The following PTCHD4 variants were observed in gnomAD, a reference collection of about 807,000 sequenced individuals.
PTCHD4 encodes patched domain-containing protein 4.
PTCHD4 carries 33 observed loss-of-function variants against 58.1 expected under a neutral mutation model. The observed-to-expected ratio is 0.57, with a 90% CI of 0.43 to 0.76. The LOEUF is 0.76. Ranked by LOEUF, PTCHD4 falls within the 30% of genes least tolerant of loss-of-function variation. The pLI is 0.00. For synonymous variants in PTCHD4, 478 were observed against 409.6 expected, an observed-to-expected ratio of 1.17 and a Z score of -2.02; for missense variants, 1,058 against 1,027.1, an observed-to-expected ratio of 1.03 and a Z score of -0.41.
intron 3 of PTCHD4, among the ~76,000 whole-genome samples, chr6:48,056,796 A>G (rs1405927644): frequency 1.3e-5 from 2 of 152,114 alleles, no homozygotes; most frequent in Non-Finnish European, 2.9e-5. Context: ...CTTCTGGCTG[A>G]TGATCACTGC....
chr6:48,036,966 CTTG>C (rs541600079), intron 3 of PTCHD4, among the ~76,000 whole-genome samples: 11 of 152,096 alleles, frequency 7.2e-5, no homozygotes, highest in Admixed American at 3.3e-4. Flanking sequence ...TTGATGGCAA[CTTG>C]TTGTTCTTCA....
At position 48,034,282 on chromosome 6, in the gene PTCHD4, T is replaced by A. The variant is rs1763552181; in HGVS notation, c.418-25168A>T. Among the ~76,000 whole-genome samples the A allele has an allele frequency of 5.3e-5, 8 of 152,210 alleles. No homozygotes were observed. In the South Asian group the frequency reaches 1.7e-3, roughly 32 times the overall value. ...ACAAGAAATGCAGGTACACATGACCTAAAATGACAGGTTTAGGTCTCAGTG... is the reference window on the plus strand; with the variant it reads ...ACAAGAAATGCAGGTACACATGACCAAAAATGACAGGTTTAGGTCTCAGTG... On this transcript the variant is annotated intron_variant, in intron 3 of 4. Coordinates refer to ENST00000339488, the MANE Select transcript of PTCHD4 (RefSeq NM_001384253.1).
chr6:47,953,506 T>A (rs1014540100), intron 4 of PTCHD4, among the ~76,000 whole-genome samples: 1 of 152,128 alleles, frequency 6.6e-6, no homozygotes, highest in African/African-American at 2.4e-5. Context: ...CTTTGAGATA[T>A]CCCTATAGGT....
intron 1 of PTCHD4, among the ~76,000 whole-genome samples, chr6:48,106,060 C>CA (rs1392620422): frequency 6.6e-6 from 1 of 152,092 alleles, no homozygotes; most frequent in East Asian, 1.9e-4. Context: ...GAAACTATTC[C>CA]AATGAATAGA....
At position 48,102,045 on chromosome 6, in the gene PTCHD4, T is replaced by G. The variant is rs911530979; in HGVS notation, c.-970+9004A>C. Among the ~76,000 whole-genome samples, 5 of 152,336 alleles carry G rather than the reference T, an allele frequency of 3.3e-5. No homozygotes were observed. The South Asian group carries it at 8.3e-4, about 25-fold the overall frequency. The stretch of plus-strand genomic sequence containing the variant: ...CCACTACAGCCTGCTGCATGTTCAT[T>G]TCTTAGTCTAGACTCAGACCCCAGG... On this transcript the variant is annotated intron_variant, in intron 1 of 4. Transcript: ENST00000339488.
chr6:47,921,838 G>C (rs924403712), intron 4 of PTCHD4, among the ~76,000 whole-genome samples: 1 of 151,710 alleles, frequency 6.6e-6, no homozygotes, highest in South Asian at 2.1e-4. Context: ...CAGCAAAATA[G>C]GGTGGCTCAT....
intron 3 of PTCHD4, among the ~76,000 whole-genome samples, chr6:48,064,317 T>G (rs1764724239): frequency 6.6e-6 from 1 of 152,054 alleles, no homozygotes; most frequent in Non-Finnish European, 1.5e-5. Flanking sequence ...GGTGGAGAAG[T>G]GAGGTTATGT....
chr6:47,955,014 CAT>C (rs1169291053), intron 4 of PTCHD4, among the ~76,000 whole-genome samples: 4 of 152,198 alleles, frequency 2.6e-5, no homozygotes, highest in Admixed American at 2.0e-4. Flanking sequence ...ACTAGCCAAA[CAT>C]AGGCATGACC....
intron 4 of PTCHD4, among the ~76,000 whole-genome samples, chr6:47,931,822 T>A (rs1038020328): frequency 3.3e-5 from 5 of 151,928 alleles, no homozygotes; most frequent in Non-Finnish European, 4.4e-5. Context: ...CACGAAGTTT[T>A]CCTAGACAGT....
chr6:48,004,159 G>C (rs1768855379), intron 4 of PTCHD4, among the ~76,000 whole-genome samples: 1 of 152,028 alleles, frequency 6.6e-6, no homozygotes, highest in African/African-American at 2.4e-5. Context: ...AAAATTTCTT[G>C]AACATAGTAG....
At chr6:48,015,476 T>C (rs1762835854) in intron 3 of PTCHD4, among the ~76,000 whole-genome samples, 1 of 151,950 alleles carries the variant, frequency 6.6e-6, no homozygotes. Flanking sequence ...CTGCTCCAAC[T>C]ATTTTTTTTA....
intron 4 of PTCHD4, among the ~76,000 whole-genome samples, chr6:47,956,245 T>C (rs1766855242): frequency 6.6e-6 from 1 of 152,188 alleles, no homozygotes; most frequent in Non-Finnish European, 1.5e-5. Flanking sequence ...AACTAATATT[T>C]AGTCAGTGCT....
intron 1 of PTCHD4, among the ~76,000 whole-genome samples, chr6:48,080,122 T>C (rs540207377): frequency 2.6e-5 from 4 of 152,112 alleles, no homozygotes; most frequent in African/African-American, 9.6e-5. Flanking sequence ...ACAAATTTCC[T>C]CAGAAAATAT....
chr6:47,979,963 A>G (rs1396383264), intron 4 of PTCHD4, among the ~76,000 whole-genome samples: 1 of 152,126 alleles, frequency 6.6e-6, no homozygotes, highest in Non-Finnish European at 1.5e-5. Flanking sequence ...CTGCTTTTAA[A>G]AGCAACAATC....
chr6:48,004,320 C>G (rs1331031339), intron 4 of PTCHD4, among the ~76,000 whole-genome samples: 1 of 152,062 alleles, frequency 6.6e-6, no homozygotes, highest in African/African-American at 2.4e-5. Context: ...TGAAGTGAGA[C>G]TTTTACACAT....
At chr6:48,031,068 C>A (rs542132509) in intron 3 of PTCHD4, among the ~76,000 whole-genome samples, 2 of 152,122 alleles carry the variant, frequency 1.3e-5, no homozygotes, top group South Asian at 4.1e-4. Context: ...AAACTTAAGT[C>A]AGGCTCCTGA....
intron 3 of PTCHD4, among the ~76,000 whole-genome samples, chr6:48,043,160 A>G (rs1227954814): frequency 1.3e-5 from 2 of 151,894 alleles, no homozygotes; most frequent in Non-Finnish European, 2.9e-5. Flanking sequence ...CAATGTATTA[A>G]ATATATTCAC....
chr6:48,079,830 CTG>C (rs1020164232), intron 1 of PTCHD4, among the ~76,000 whole-genome samples: 21 of 151,874 alleles, frequency 1.4e-4, no homozygotes, highest in African/African-American at 4.8e-4. Flanking sequence ...GGAGCTGAAA[CTG>C]TGATTTCTGA....
intron 1 of PTCHD4, among the ~76,000 whole-genome samples, chr6:48,084,535 A>G (rs1765226306): frequency 6.6e-6 from 1 of 152,158 alleles, no homozygotes; most frequent in Admixed American, 6.5e-5. Flanking sequence ...CAATGCATAT[A>G]GAACATTTGA....
Sources: allele counts gnomAD v4.1 joint callset (sites outside exome capture counted in the v4.1 genomes callset), GRCh38; gene constraint gnomAD v4.1.1; transcripts MANE v1.5; gene names NCBI Gene and HGNC (gene_info 2026-07-23, HGNC 2026-07-21).